The following CFAP46 variants were observed in gnomAD, a reference collection of about 807,000 sequenced individuals.
The protein encoded by CFAP46 is cilia and flagella associated protein 46, also known as cilia- and flagella-associated protein 46.
Under a neutral mutation model 325.7 loss-of-function variants are expected in CFAP46, and 245 were observed. The ratio of observed to expected loss-of-function variants is 0.75; its 90% CI spans 0.68 to 0.84. CFAP46 has a LOEUF of 0.84. Ranked by LOEUF, CFAP46 falls within the 40% of genes least tolerant of loss-of-function variation. CFAP46 has a pLI of 0.00. For synonymous variants in CFAP46, 1,523 were observed against 1,495.9 expected, an observed-to-expected ratio of 1.02 and a Z score of -0.42; for missense variants, 3,346 against 3,543.0, an observed-to-expected ratio of 0.94 and a Z score of 1.41.
At chr10:132,921,017 G>A (rs183212804) in intron 13 of CFAP46, among the ~76,000 whole-genome samples, 13 of 152,346 alleles carry the variant, frequency 8.5e-5, no homozygotes, top group African/African-American at 2.2e-4. Flanking sequence ...ATCTGAGGGC[G>A]GTGGATGACA....
intron 22 of CFAP46, among the ~76,000 whole-genome samples, chr10:132,907,461 G>A (rs765499285): frequency 9.2e-5 from 14 of 152,228 alleles, no homozygotes; most frequent in African/African-American, 3.1e-4. Flanking sequence ...GGGACCTGGC[G>A]GCACGGCTGA....
chr10:132,872,964 C>A (rs1044035938), intron 31 of CFAP46, 140 bp from the exon 32 acceptor site: 4 of 912,888 alleles, frequency 4.4e-6, no homozygotes, highest in Non-Finnish European at 6.6e-6. Flanking sequence ...CGTGTCCGCA[C>A]ACAGCAGGTG....
chr10:132,827,926 C>T lies in CFAP46; in HGVS notation c.7117+5432G>A, dbSNP rs1359655893. 6.6e-6 allele frequency among the ~76,000 whole-genome samples: 1 copy of T among 151,362 alleles called. No homozygotes were observed. The highest frequency in any genetic ancestry group is 2.0e-4 in the East Asian group (1 of 5,108). ...CTCAGCGTAATCCTTCTGAGTGAGCCCCGTCACCCCTCGGCGTAATCCTTC... is the reference window on the plus strand; with the variant it reads ...CTCAGCGTAATCCTTCTGAGTGAGCTCCGTCACCCCTCGGCGTAATCCTTC... On this transcript the variant is annotated intron_variant, in intron 50 of 57. Transcript: ENST00000368586. The surrounding 1 kb of genome is among the most constrained non-coding windows in gnomAD (Gnocchi z 5.7).
intron 8 of CFAP46, among the ~76,000 whole-genome samples, chr10:132,930,591 G>C: frequency 1.0e-5 from 1 of 98,704 alleles, no homozygotes; most frequent in African/African-American, 4.2e-5. Flanking sequence ...CAAAACCTGG[G>C]CCTCCCCACA....
intron 24 of CFAP46, 174 bp downstream of exon 24, chr10:132,898,785 G>T (rs1029057314): frequency 4.8e-6 from 4 of 836,568 alleles, no homozygotes; most frequent in Non-Finnish European, 7.9e-6. Context: ...AGGGGCCCCC[G>T]CAGTGCTGGG....
At chr10:132,908,722 G>A (rs1055228070) in intron 21 of CFAP46, 88 bp from the exon 22 acceptor site, 7 of 1,420,028 alleles carry the variant, frequency 4.9e-6, no homozygotes, top group Non-Finnish European at 6.5e-6. Flanking sequence ...CGCAGCGCAT[G>A]TGATCCTAAG....
chr10:132,824,081 A>G (rs1298562960), intron 50 of CFAP46, among the ~76,000 whole-genome samples: 2 of 80,372 alleles, frequency 2.5e-5, no homozygotes, highest in Admixed American at 1.7e-4. Flanking sequence ...TGATGTGTGC[A>G]CTGTGTGCTG....
At chr10:132,903,301 GCACA>G (rs1445123115) in intron 22 of CFAP46, among the ~76,000 whole-genome samples, 1 of 152,206 alleles carries the variant, frequency 6.6e-6, no homozygotes, top group African/African-American at 2.4e-5. Flanking sequence ...CTAGTCCTGT[GCACA>G]CACAGTTTAC....
chr10:132,820,725 CTG>C (rs1343504144), intron 50 of CFAP46, among the ~76,000 whole-genome samples: 2 of 106,426 alleles, frequency 1.9e-5, no homozygotes, highest in East Asian at 3.1e-4. Flanking sequence ...CTGATGTGTG[CTG>C]TGTGTGCACT....
intron 44 of CFAP46, among the ~76,000 whole-genome samples, chr10:132,842,434 T>G (rs1848360861): frequency 1.3e-5 from 2 of 152,228 alleles, no homozygotes; most frequent in Admixed American, 1.3e-4. Flanking sequence ...AGTTCCAAAC[T>G]TTCCCTTGTC....
chr10:132,876,757 A>G lies in CFAP46; in HGVS notation c.4362+55T>C. On this transcript the variant is annotated intron_variant, in intron 31 of 57. Coordinates refer to ENST00000368586, the MANE Select transcript of CFAP46 (RefSeq NM_001200049.3). This position sits in a 1 kb window ranked among gnomAD's most constrained non-coding sequence, Gnocchi z 4.1. ...TGAAAACTGGACTTGGGGACAGGTCAAGGGGACACCATGCTGTGACCAAGG... is the reference window on the plus strand; with the variant it reads ...TGAAAACTGGACTTGGGGACAGGTCGAGGGGACACCATGCTGTGACCAAGG... 2.0e-6 allele frequency: 3 copies of G among 1,514,740 alleles called. No individual in the cohort carries two copies. Among genetic ancestry groups the G allele is most frequent in the Non-Finnish European group, 2.7e-6 (3 of 1,128,460 alleles). 93.8% of individuals were successfully genotyped at this position (1,514,740 alleles called of 1,614,324 possible).
At chr10:132,935,544 G>A (rs763509511) in intron 7 of CFAP46, among the ~76,000 whole-genome samples, 683 of 39,768 alleles carry the variant, frequency 0.017, no homozygotes, top group Middle Eastern at 0.083. Flanking sequence ...CACTCCCCTC[G>A]GCACCCAAAC....
At chr10:132,816,186 C>A (rs1350379446) in intron 50 of CFAP46, among the ~76,000 whole-genome samples, 1 of 151,800 alleles carries the variant, frequency 6.6e-6, no homozygotes, top group African/African-American at 2.4e-5. Context: ...CCTGTCGCTG[C>A]TGGTGCGTCG....
rs562141625 is a variant in CFAP46 at position 132,809,712 on chromosome 10, T to G, written c.7664+697A>C. On this transcript the variant is annotated intron_variant, in intron 57 of 57. Transcript: ENST00000368586. ...GGGTCCCGGGAAGCTCCTTTCTGGC[T>G]CCTCCCGCCTCACCGTGGCAGGAGG... Among the ~76,000 whole-genome samples the G allele has an allele frequency of 9.5e-4, 145 of 151,918 alleles. 1 individual carries two copies. The highest frequency in any genetic ancestry group is 3.1e-3 in the African/African-American group (128 of 41,432).
At chr10:132,899,255 A>AG (rs912043047) in intron 23 of CFAP46, 134 bp from the exon 24 acceptor site, 2 of 1,071,270 alleles carry the variant, frequency 1.9e-6, no homozygotes, top group African/African-American at 3.2e-5. Flanking sequence ...TGGCTTGCTC[A>AG]GGAGTCCCTG....
At chr10:132,894,856 TC>T (rs1255242011) in intron 24 of CFAP46, among the ~76,000 whole-genome samples, 3 of 152,190 alleles carry the variant, frequency 2.0e-5, no homozygotes, top group Non-Finnish European at 4.4e-5. Flanking sequence ...CTATATGGCT[TC>T]ATCAGTGACT....
chr10:132,837,868 C>A (rs1376902581), intron 44 of CFAP46, among the ~76,000 whole-genome samples: 4 of 151,216 alleles, frequency 2.6e-5, no homozygotes, highest in Non-Finnish European at 4.4e-5. Context: ...TACACAGATG[C>A]ACACACACAG....
At chr10:132,904,132 AGAAT>A (rs1257262164) in intron 22 of CFAP46, among the ~76,000 whole-genome samples, 1 of 152,282 alleles carries the variant, frequency 6.6e-6, no homozygotes, top group African/African-American at 2.4e-5. Context: ...GAAAGAAATT[AGAAT>A]GAAGAACTGA....
chr10:132,922,589 C>T lies in CFAP46; in HGVS notation c.1376G>A (p.Gly459Asp). ...LRKAARLDSLGLYRDRIQMAS... is the reference protein window; with the variant it reads ...LRKAARLDSLDLYRDRIQMAS... ...CATCTGGATCCTGTCCCGGTAGAGG[C>T]CCAGGCTGTCCAGGCGCGCGGCTTT... Residue 459 changes from glycine to aspartate, a missense_variant, in exon 12 of 58, where the codon GGC (glycine) becomes GAC (aspartate). Coordinates refer to ENST00000368586, the MANE Select transcript of CFAP46 (RefSeq NM_001200049.3). 6.5e-7 allele frequency: 1 copy of T among 1,548,972 alleles called. No homozygotes were observed. The highest frequency in any genetic ancestry group is 8.7e-7 in the Non-Finnish European group (1 of 1,146,820).
Sources: allele counts gnomAD v4.1 joint callset (sites outside exome capture counted in the v4.1 genomes callset), GRCh38; gene constraint gnomAD v4.1.1; non-coding constraint Gnocchi (gnomAD v3.1); transcripts MANE v1.5; gene names NCBI Gene and HGNC (gene_info 2026-07-23, HGNC 2026-07-21).